Variants in TRDN observed in about 807,000 individuals in gnomAD.
TRDN encodes triadin.
TRDN carries 161 observed loss-of-function variants against 149.7 expected under a neutral mutation model. The observed-to-expected ratio is 1.08, with a 90% CI of 0.95 to 1.23. The LOEUF (loss-of-function observed/expected upper bound fraction) is 1.23. Ranked by LOEUF, TRDN falls within the 50% of genes most tolerant of loss-of-function variation. TRDN has a pLI of 0.00. For missense variants in TRDN, 896 were observed against 823.5 expected (o/e 1.09, Z -1.08); for synonymous variants, 294 against 250.5 (o/e 1.17, Z -1.64).
intron 9 of TRDN, among the ~76,000 whole-genome samples, chr6:123,484,593 G>T (rs1046911907): frequency 2.6e-5 from 4 of 151,938 alleles, no homozygotes; most frequent in African/African-American, 7.3e-5. Flanking sequence ...ATTAGAACAT[G>T]CTTTTAATAG....
intron 5 of TRDN, among the ~76,000 whole-genome samples, chr6:123,523,823 C>A (rs1054749138): frequency 2.6e-5 from 4 of 152,036 alleles, no homozygotes; most frequent in African/African-American, 9.7e-5. Flanking sequence ...TTAACAGGTA[C>A]CCCAGTGGTG....
In TRDN at chr6:123,336,477, C is replaced by A. The variant is rs79675334; in HGVS notation, c.1420+1142G>T. 3.1e-3 allele frequency among the ~76,000 whole-genome samples: 465 copies of A among 152,128 alleles called. 16 individuals carry two copies. The East Asian group carries it at 0.076, about 25-fold the overall frequency. On this transcript the variant is annotated intron_variant, in intron 22 of 40. Transcript: ENST00000334268. Reference sequence around the variant, plus strand: ...TTTAAAGGCAAACTCTTCACCTTCTCATTTACATTTCATATTATTTCTCCA... The same window carrying A: ...TTTAAAGGCAAACTCTTCACCTTCTAATTTACATTTCATATTATTTCTCCA...
At chr6:123,554,528 CAAGTT>C (rs1171121725) in intron 2 of TRDN, among the ~76,000 whole-genome samples, 2 of 152,006 alleles carry the variant, frequency 1.3e-5, no homozygotes, top group Non-Finnish European at 2.9e-5. Context: ...AAAATTTTAT[CAAGTT>C]AAGAAAAATT....
At chr6:123,590,964 T>A (rs1280219812) in intron 1 of TRDN, among the ~76,000 whole-genome samples, 1 of 152,138 alleles carries the variant, frequency 6.6e-6, no homozygotes, top group Non-Finnish European at 1.5e-5. Context: ...CTGAATTTAT[T>A]GAGTAGCCCA....
chr6:123,244,509 A>G (rs1776104974), intron 38 of TRDN, among the ~76,000 whole-genome samples: 1 of 152,196 alleles, frequency 6.6e-6, no homozygotes, highest in Admixed American at 6.6e-5. Flanking sequence ...CTAAAGATCA[A>G]CTTAATGAAA....
chr6:123,302,547 T>C lies in TRDN; in HGVS notation c.1510+13910A>G, dbSNP rs149335595. Among the ~76,000 whole-genome samples the C allele has an allele frequency of 1.1e-4, 16 of 152,184 alleles. 1 individual carries two copies. The East Asian group carries it at 3.1e-3, about 30-fold the overall frequency. On this transcript the variant is annotated intron_variant, in intron 24 of 40. Coordinates refer to ENST00000334268, the MANE Select transcript of TRDN (RefSeq NM_006073.4). ...TCAGGAATGGCGAAGACCTCACCGTTAGTTAGCAAGCATTGATACAGTAAC... is the reference window on the plus strand; with the variant it reads ...TCAGGAATGGCGAAGACCTCACCGTCAGTTAGCAAGCATTGATACAGTAAC...
chr6:123,622,506 T>C (rs2114715467), intron 1 of TRDN, among the ~76,000 whole-genome samples: 1 of 152,268 alleles, frequency 6.6e-6, no homozygotes, highest in African/African-American at 2.4e-5. Flanking sequence ...CCTTGTGTTG[T>C]TCAAGAGTCA....
At chr6:123,588,004 G>T (rs1375042038) in intron 1 of TRDN, among the ~76,000 whole-genome samples, 1 of 152,168 alleles carries the variant, frequency 6.6e-6, no homozygotes, top group East Asian at 1.9e-4. Context: ...TCAGAGGCCT[G>T]ACAATGGAGA....
At chr6:123,226,617 C>T (rs917030098) in intron 38 of TRDN, among the ~76,000 whole-genome samples, 14 of 151,758 alleles carry the variant, frequency 9.2e-5, no homozygotes, top group African/African-American at 1.7e-4. Context: ...AGAAAGTAAA[C>T]GGCAAACCTA....
At chr6:123,499,987 C>G (rs1014013253) in intron 8 of TRDN, among the ~76,000 whole-genome samples, 12 of 151,412 alleles carry the variant, frequency 7.9e-5, no homozygotes, top group African/African-American at 2.7e-4. Context: ...GCAGGGAATC[C>G]TGAAACCTAT....
chr6:123,598,124 A>G (rs530186558), intron 1 of TRDN, among the ~76,000 whole-genome samples: 1 of 152,186 alleles, frequency 6.6e-6, no homozygotes, highest in East Asian at 1.9e-4. Context: ...GGGACCCTAG[A>G]GGTATCACTT....
intron 9 of TRDN, among the ~76,000 whole-genome samples, chr6:123,485,056 C>A (rs920945213): frequency 1.3e-5 from 2 of 152,170 alleles, no homozygotes; most frequent in Non-Finnish European, 2.9e-5. Flanking sequence ...ATATGACAAT[C>A]TGATACATTT....
At chr6:123,271,772 A>G (rs953926536) in intron 29 of TRDN, among the ~76,000 whole-genome samples, 4 of 152,072 alleles carry the variant, frequency 2.6e-5, no homozygotes, top group Non-Finnish European at 5.9e-5. Flanking sequence ...CACACTGGGT[A>G]TGAATCAACT....
At chr6:123,473,173 C>G (rs1022603294) in intron 9 of TRDN, among the ~76,000 whole-genome samples, 2 of 151,988 alleles carry the variant, frequency 1.3e-5, no homozygotes, top group Non-Finnish European at 2.9e-5. Context: ...TCAAACCAAA[C>G]GCAAAGAAGT....
At chr6:123,495,445 G>T (rs1389183383) in intron 9 of TRDN, among the ~76,000 whole-genome samples, 2 of 150,582 alleles carry the variant, frequency 1.3e-5, no homozygotes, top group South Asian at 2.1e-4. Flanking sequence ...CTTGAACCCA[G>T]GAGGCAGAGG....
At position 123,371,420 on chromosome 6, in the gene TRDN, A is replaced by C. The variant is rs528871389; in HGVS notation, c.1273+4185T>G. On this transcript the variant is annotated intron_variant, in intron 19 of 40. Transcript: ENST00000334268. ...CCTATTGGGAAATTTGTTTATATCT[A>C]CACCAATACCATTCTACCCTTTATA... Among the ~76,000 whole-genome samples, 14 of 152,206 alleles carry C rather than the reference A, an allele frequency of 9.2e-5. 1 individual carries two copies. In the South Asian group the frequency reaches 2.5e-3, roughly 27 times the overall value.
intron 19 of TRDN, among the ~76,000 whole-genome samples, chr6:123,368,648 A>G (rs1333607523): frequency 1.3e-5 from 2 of 152,150 alleles, no homozygotes; most frequent in Non-Finnish European, 2.9e-5. Context: ...AATTCAGAAA[A>G]CTAGAAACTC....
chr6:123,405,953 T>C (rs1773175248), intron 12 of TRDN, among the ~76,000 whole-genome samples: 1 of 152,200 alleles, frequency 6.6e-6, no homozygotes, highest in South Asian at 2.1e-4. Context: ...TGTGCTATAA[T>C]GTTTTATAGT....
chr6:123,526,418 G>C (rs1477160576), intron 5 of TRDN, among the ~76,000 whole-genome samples: 1 of 151,988 alleles, frequency 6.6e-6, no homozygotes, highest in East Asian at 1.9e-4. Context: ...TGGTGCTACA[G>C]ACTCAGCAGG....
Sources: gnomAD v4.1 joint callset for allele counts (sites outside exome capture counted in the v4.1 genomes callset) on GRCh38, gnomAD v4.1.1 for gene constraint, MANE v1.5 for transcripts, NCBI Gene and HGNC (gene_info 2026-07-23, HGNC 2026-07-21) for gene names.